Variants in EFHC1 observed in about 807,000 individuals in gnomAD.
EFHC1 encodes EF-hand domain containing 1, also known as EF-hand domain-containing protein 1.
In EFHC1, 53 loss-of-function variants were observed where a neutral mutation model predicts 69.9. That is an observed-to-expected ratio of 0.76 (90% CI 0.61 to 0.95). The LOEUF is 0.95. EFHC1 is among the 40% of genes least tolerant of loss of function. EFHC1 has a pLI of 0.00. For synonymous variants in EFHC1, 256 were observed against 278.4 expected (o/e 0.92, Z 0.80); for missense variants, 739 against 798.7 (o/e 0.93, Z 0.90).
intron 3 of EFHC1, among the ~76,000 whole-genome samples, chr6:52,441,429 T>C (rs1294041929): frequency 5.3e-5 from 8 of 152,182 alleles, no homozygotes; most frequent in Non-Finnish European, 2.9e-5. Flanking sequence ...TAGCCTTATT[T>C]CTGAGCTCCC....
At chr6:52,432,871 G>A (rs1469150553) in intron 2 of EFHC1, among the ~76,000 whole-genome samples, 2 of 151,780 alleles carry the variant, frequency 1.3e-5, no homozygotes, top group African/African-American at 2.4e-5. Context: ...TAGAGGCTTT[G>A]TTCATATTTT....
chr6:52,455,498 C>G (rs1190869176), intron 5 of EFHC1, among the ~76,000 whole-genome samples: 1 of 151,754 alleles, frequency 6.6e-6, no homozygotes, highest in Admixed American at 6.6e-5. Flanking sequence ...ACTAAAAATA[C>G]AAAAAATTAG....
intron 2 of EFHC1, among the ~76,000 whole-genome samples, chr6:52,437,992 G>A (rs1421121744): frequency 2.0e-5 from 3 of 152,224 alleles, no homozygotes; most frequent in African/African-American, 7.2e-5. Flanking sequence ...ATAATTATTT[G>A]TGGATTGAAA....
chr6:52,471,163 G>A (rs1418807707), intron 7 of EFHC1, among the ~76,000 whole-genome samples: 2 of 152,190 alleles, frequency 1.3e-5, no homozygotes, highest in Non-Finnish European at 2.9e-5. Context: ...GATTCCAGAA[G>A]ACCCACCTGT....
Position 52,479,748 on chromosome 6 carries a change from A to C in EFHC1, c.1601A>C (p.His534Pro). ...GAAGCACTCGCGTCAATTCAGAACC[A>C]TGTCCGAAAGCGAGAAGCGCCTGCT... is the stretch of plus-strand genomic sequence containing the variant. ...SPEALASIQN[H>P]VRKREAPAPE... Residue 534 changes from histidine to proline, a missense_variant, in exon 9 of 11, where the codon CAT becomes CCT. Transcript: ENST00000371068. The C allele has an allele frequency of 6.2e-7, 1 of 1,614,190 alleles. No individual in the cohort carries two copies. Among genetic ancestry groups the C allele is most frequent in the South Asian group, 1.1e-5 (1 of 91,082 alleles).
chr6:52,464,021 C>T (rs539872069), intron 5 of EFHC1, among the ~76,000 whole-genome samples: 1 of 152,322 alleles, frequency 6.6e-6, no homozygotes, highest in South Asian at 2.1e-4. Flanking sequence ...GAACATCAGC[C>T]TACTTTTCAT....
intron 3 of EFHC1, among the ~76,000 whole-genome samples, chr6:52,441,709 A>G (rs768910673): frequency 2.6e-5 from 4 of 152,058 alleles, no homozygotes; most frequent in Non-Finnish European, 5.9e-5. Context: ...GACTGTAAAG[A>G]TATTGATTTT....
rs1266787 is a variant in EFHC1 at position 52,479,101 on chromosome 6, T to C, written c.1343T>C (p.Met448Thr). ...TTCTCTTACTTTCTAGCTACCGACA[T>C]GATCAGTATCTTTGAGCCTCCTGTT... ...FVFSYFLATD[M>T]ISIFEPPVRN... The change falls in exon 8 of 11, where the codon ATG becomes ACG. Residue 448 changes from methionine (M) to threonine (T), a missense_variant. Met to Thr is a moderately conservative substitution (Grantham distance 81). Transcript: ENST00000371068. 60,880 of 1,614,020 alleles carry C rather than the reference T, an allele frequency of 0.038. 2,319 individuals carry two copies. Among genetic ancestry groups the C allele is most frequent in the African/African-American group, 0.2 (14,747 of 74,974 alleles).
chr6:52,420,879 T>G, intron 1 of EFHC1: 1 of 431,936 alleles, frequency 2.3e-6, no homozygotes. Context: ...TCTCACATCA[T>G]AACCTGTCTC....
chr6:52,472,943 A>G (rs1022685323), intron 7 of EFHC1, among the ~76,000 whole-genome samples: 5 of 152,252 alleles, frequency 3.3e-5, no homozygotes, highest in Non-Finnish European at 7.3e-5. Flanking sequence ...TTCATTGGCT[A>G]GAAAATTCAG....
At chr6:52,456,182 C>T (rs1320349215) in intron 5 of EFHC1, among the ~76,000 whole-genome samples, 2 of 152,092 alleles carry the variant, frequency 1.3e-5, no homozygotes, top group African/African-American at 2.4e-5. Context: ...ACTGCTAATT[C>T]AGCTTGTATT....
chr6:52,447,938 G>A (rs1039468444), intron 3 of EFHC1, among the ~76,000 whole-genome samples: 7 of 152,162 alleles, frequency 4.6e-5, no homozygotes, highest in Non-Finnish European at 7.4e-5. Flanking sequence ...TGGAAGCTTC[G>A]TCTCAGAGGG....
intron 3 of EFHC1, among the ~76,000 whole-genome samples, chr6:52,443,484 C>G (rs1764710913): frequency 6.6e-6 from 1 of 152,108 alleles, no homozygotes; most frequent in Non-Finnish European, 1.5e-5. Flanking sequence ...AGGAAGGGAT[C>G]CAGTTTCAGC....
chr6:52,437,079 C>T (rs547833745), intron 2 of EFHC1, among the ~76,000 whole-genome samples: 4 of 152,218 alleles, frequency 2.6e-5, no homozygotes, highest in Admixed American at 2.0e-4. Flanking sequence ...TATTTACACA[C>T]GTTTTAGAGA....
intron 2 of EFHC1, among the ~76,000 whole-genome samples, chr6:52,426,103 C>T (rs2113968501): frequency 6.6e-6 from 1 of 152,336 alleles, no homozygotes; most frequent in East Asian, 1.9e-4. Context: ...GCTTCTCTAG[C>T]TAGAGTCATA....
At chr6:52,475,797 A>G (rs1025632478) in intron 7 of EFHC1, among the ~76,000 whole-genome samples, 1 of 152,364 alleles carries the variant, frequency 6.6e-6, no homozygotes, top group African/African-American at 2.4e-5. Context: ...TACAGTGGAG[A>G]ACAAGATAGA....
intron 2 of EFHC1, among the ~76,000 whole-genome samples, chr6:52,434,667 C>G (rs949355665): frequency 1.3e-5 from 2 of 152,124 alleles, no homozygotes; most frequent in African/African-American, 4.8e-5. Flanking sequence ...GCTGCTCTGC[C>G]CGTCTGAGTG....
chr6:52,482,978 G>A, intron 9 of EFHC1: 1 of 396,746 alleles, frequency 2.5e-6, no homozygotes, highest in Non-Finnish European at 4.4e-6. Context: ...GTAAAATAAA[G>A]TTTGTGTATC....
chr6:52,446,783 T>C (rs929366149), intron 3 of EFHC1, among the ~76,000 whole-genome samples: 4 of 152,238 alleles, frequency 2.6e-5, no homozygotes, highest in Non-Finnish European at 4.4e-5. Context: ...CAGCATTTGT[T>C]TGTCTATAAA....
Sources: allele counts gnomAD v4.1 joint callset (sites outside exome capture counted in the v4.1 genomes callset), GRCh38; gene constraint gnomAD v4.1.1; transcripts MANE v1.5; gene names NCBI Gene and HGNC (gene_info 2026-07-23, HGNC 2026-07-21).